The following TTC17 variants were observed in gnomAD, a reference collection of about 807,000 sequenced individuals.
TTC17 encodes the protein tetratricopeptide repeat domain 17.
A neutral mutation model predicts 143.8 loss-of-function variants in TTC17; 58 were observed. That is an observed-to-expected ratio of 0.40 (90% confidence interval 0.33 to 0.50). The LOEUF (loss-of-function observed/expected upper bound fraction) is 0.50, where lower values mean the gene tolerates loss of function less well. TTC17 is among the 20% of genes least tolerant of loss of function. The pLI is 0.49. For synonymous variants in TTC17, 501 were observed against 497.8 expected (o/e 1.01, Z -0.09); for missense variants, 1,273 against 1,392.5 (o/e 0.91, Z 1.37).
chr11:43,493,097 T>G (rs1468226103), intron 23 of TTC17, among the ~76,000 whole-genome samples: 1 of 152,218 alleles, frequency 6.6e-6, no homozygotes, highest in Non-Finnish European at 1.5e-5. Context: ...ATGTGAAGTT[T>G]GCTACTATGA....
chr11:43,383,375 A>C (rs912036848), intron 2 of TTC17, among the ~76,000 whole-genome samples: 2 of 151,992 alleles, frequency 1.3e-5, no homozygotes, highest in African/African-American at 4.8e-5. Flanking sequence ...TTTTGAGATG[A>C]AGTCTTGCTC....
At chr11:43,431,951 C>T (rs995018799) in intron 16 of TTC17, among the ~76,000 whole-genome samples, 2 of 152,222 alleles carry the variant, frequency 1.3e-5, no homozygotes, top group African/African-American at 2.4e-5. Flanking sequence ...GTTTTGATGC[C>T]TCTCAATTCA....
intron 5 of TTC17, among the ~76,000 whole-genome samples, chr11:43,395,970 A>G (rs1456111414): frequency 6.6e-6 from 1 of 152,136 alleles, no homozygotes. Context: ...TGTAATATAC[A>G]TTAATATGTA....
At chr11:43,420,917 T>C (rs1946887742) in intron 16 of TTC17, among the ~76,000 whole-genome samples, 1 of 152,186 alleles carries the variant, frequency 6.6e-6, no homozygotes, top group African/African-American at 2.4e-5. Context: ...ATAGAGGATA[T>C]AATCTTCTAA....
chr11:43,457,707 C>G (rs1249469748), intron 21 of TTC17, among the ~76,000 whole-genome samples: 1 of 151,834 alleles, frequency 6.6e-6, no homozygotes, highest in Non-Finnish European at 1.5e-5. Flanking sequence ...GGTTTAATAA[C>G]AGATTGAACA....
At chr11:43,448,266 C>G in intron 19 of TTC17, 144 bp downstream of exon 19, 2 of 1,238,414 alleles carry the variant, frequency 1.6e-6, no homozygotes, top group Admixed American at 2.7e-5. Flanking sequence ...CTGACCATGG[C>G]CCCCAGGTGG....
intron 1 of TTC17, among the ~76,000 whole-genome samples, chr11:43,376,991 G>A (rs763056502): frequency 6.6e-6 from 1 of 152,038 alleles, no homozygotes; most frequent in Non-Finnish European, 1.5e-5. Context: ...CATAGAAAAG[G>A]CACAGTAAAA....
At chr11:43,459,900 A>T (rs978464640) in intron 21 of TTC17, among the ~76,000 whole-genome samples, 9 of 152,242 alleles carry the variant, frequency 5.9e-5, no homozygotes, top group African/African-American at 2.2e-4. Context: ...AAGTGTTCTG[A>T]GCACATTTAA....
At chr11:43,458,791 TTAA>T (rs1947810461) in intron 21 of TTC17, among the ~76,000 whole-genome samples, 1 of 152,180 alleles carries the variant, frequency 6.6e-6, no homozygotes, top group Non-Finnish European at 1.5e-5. Context: ...GAGTACAGTA[TTAA>T]TAAGACATTT....
intron 21 of TTC17, among the ~76,000 whole-genome samples, chr11:43,452,563 G>C (rs1947683637): frequency 1.3e-5 from 2 of 152,010 alleles, no homozygotes; most frequent in Non-Finnish European, 2.9e-5. Context: ...GGAAAAAGCA[G>C]CAAAACTTAC....
intron 19 of TTC17, 140 bp downstream of exon 19, chr11:43,448,262 A>G (rs1013072964): frequency 1.5e-6 from 2 of 1,303,074 alleles, no homozygotes; most frequent in African/African-American, 1.5e-5. Context: ...CATGCTGACC[A>G]TGGCCCCCAG....
In TTC17 at chr11:43,358,952, A is replaced by G. The variant is rs751048127; in HGVS notation, c.-3A>G. The G allele has an allele frequency of 1.3e-6, 2 of 1,571,840 alleles. No individual in the cohort carries two copies. The highest frequency in any genetic ancestry group is 2.5e-5 in the East Asian group (1 of 40,242). ...GTGTGAGCGGCCCGGCCGGGGGGGC[A>G]AGATGGCGGCGGCAGTAGGGGTTCG... On this transcript the variant is annotated 5_prime_UTR_variant, in exon 1 of 24. Coordinates refer to ENST00000039989, the MANE Select transcript of TTC17 (RefSeq NM_018259.6).
chr11:43,390,816 A>G (rs1857356361), intron 3 of TTC17, among the ~76,000 whole-genome samples: 1 of 152,128 alleles, frequency 6.6e-6, no homozygotes, highest in Non-Finnish European at 1.5e-5. Flanking sequence ...ATCTACCAAA[A>G]TGGAAAGCAT....
At chr11:43,490,428 C>G in intron 22 of TTC17, 70 bp downstream of exon 22, 2 of 1,491,706 alleles carry the variant, frequency 1.3e-6, no homozygotes, top group South Asian at 2.8e-5. Flanking sequence ...TTATTCTGCC[C>G]TTTGAACCAG....
At chr11:43,442,772 T>A (rs1947451884) in intron 16 of TTC17, among the ~76,000 whole-genome samples, 1 of 152,174 alleles carries the variant, frequency 6.6e-6, no homozygotes. Context: ...TTGGTAATCA[T>A]TTTAGAAAGA....
chr11:43,479,464 G>A (rs983209175), intron 21 of TTC17, among the ~76,000 whole-genome samples: 2 of 152,258 alleles, frequency 1.3e-5, no homozygotes, highest in African/African-American at 4.8e-5. Flanking sequence ...TGAATTGCAA[G>A]CTTTGTAAAA....
chr11:43,441,868 C>T (rs763665280), intron 16 of TTC17, among the ~76,000 whole-genome samples: 7 of 152,128 alleles, frequency 4.6e-5, no homozygotes, highest in Non-Finnish European at 1.0e-4. Context: ...GAAGCAATCA[C>T]CTTGGGTTAC....
chr11:43,414,824 C>T, intron 16 of TTC17, 48 bp downstream of exon 16: 1 of 1,562,344 alleles, frequency 6.4e-7, no homozygotes, highest in Non-Finnish European at 8.7e-7. Flanking sequence ...AGCCAGAGTT[C>T]CTCTTCTGAT....
intron 16 of TTC17, among the ~76,000 whole-genome samples, chr11:43,418,859 A>C (rs1331484518): frequency 6.6e-6 from 1 of 152,198 alleles, no homozygotes; most frequent in Admixed American, 6.5e-5. Flanking sequence ...TATTACCGTA[A>C]AATATTTTTG....
Sources: allele counts gnomAD v4.1 joint callset (sites outside exome capture counted in the v4.1 genomes callset), GRCh38; gene constraint gnomAD v4.1.1; transcripts MANE v1.5; gene names NCBI Gene and HGNC (gene_info 2026-07-23, HGNC 2026-07-21).